Variants in AKAP7 observed in about 807,000 individuals in gnomAD.
The protein encoded by AKAP7 is A kinase (PRKA) anchor protein 7.
In AKAP7, 39 loss-of-function variants were observed where a neutral mutation model predicts 39.5. That is an observed-to-expected ratio of 0.99 (90% CI 0.76 to 1.29). AKAP7 has a LOEUF of 1.29. Among genes scored for constraint, AKAP7 ranks in the 50% most tolerant of loss-of-function variants. AKAP7 has a pLI of 0.00. For missense variants in AKAP7, 414 were observed against 407.7 expected, an observed-to-expected ratio of 1.02 and a Z score of -0.13; for synonymous variants, 140 against 139.1, an observed-to-expected ratio of 1.01 and a Z score of -0.05.
At chr6:131,198,649 A>G (rs1807198851) in intron 5 of AKAP7, among the ~76,000 whole-genome samples, 1 of 152,184 alleles carries the variant, frequency 6.6e-6, no homozygotes, top group African/African-American at 2.4e-5. Context: ...CTAATGGAAC[A>G]GTATTCCTGG....
chr6:131,274,154 ATTTTC>A (rs938115644), intron 7 of AKAP7, among the ~76,000 whole-genome samples: 7 of 150,768 alleles, frequency 4.6e-5, no homozygotes, highest in Non-Finnish European at 7.4e-5. Flanking sequence ...CTGTTTTAAG[ATTTTC>A]TTTTAATACT....
intron 6 of AKAP7, among the ~76,000 whole-genome samples, chr6:131,201,095 G>A (rs1033111518): frequency 2.0e-5 from 3 of 152,134 alleles, no homozygotes; most frequent in Non-Finnish European, 4.4e-5. Context: ...AGTAATATGA[G>A]ACTTGGAATG....
chr6:131,185,253 C>A, intron 5 of AKAP7: 1 of 466,578 alleles, frequency 2.1e-6, no homozygotes, highest in South Asian at 1.9e-5. Flanking sequence ...CCGCTTTTTC[C>A]GCCAGTGCTG....
intron 1 of AKAP7, among the ~76,000 whole-genome samples, chr6:131,144,505 G>A (rs1423581542): frequency 1.3e-5 from 2 of 152,114 alleles, no homozygotes; most frequent in East Asian, 1.9e-4. Flanking sequence ...TTATTAGTTC[G>A]GACAGCATTT....
intron 7 of AKAP7, chr6:131,242,233 A>G (rs547293153): frequency 3.3e-5 from 32 of 968,628 alleles, no homozygotes; most frequent in Middle Eastern, 5.3e-4. Flanking sequence ...AGCGCAATTG[A>G]CCATCACAGT....
At chr6:131,230,751 A>G (rs1429515093) in intron 7 of AKAP7, among the ~76,000 whole-genome samples, 1 of 152,208 alleles carries the variant, frequency 6.6e-6, no homozygotes, top group African/African-American at 2.4e-5. Flanking sequence ...GAAAAGATCC[A>G]TTAAAAATTC....
chr6:131,129,377 G>C, the AKAP7 span, among the ~76,000 whole-genome samples: 6 of 151,550 alleles, frequency 4.0e-5, no homozygotes, highest in Non-Finnish European at 8.8e-5. Context: ...TCTTGTAAAA[G>C]ACAAAAGTAG....
chr6:131,247,277 AT>A (rs1812082650), intron 7 of AKAP7, among the ~76,000 whole-genome samples: 1 of 20,222 alleles, frequency 4.9e-5, no homozygotes, highest in Non-Finnish European at 1.1e-4. Flanking sequence ...ATGTATATAT[AT>A]ATATATATAT....
rs187311579 is a variant in AKAP7, at chr6:131,168,691, C to T, written c.429-422C>T. ...TGCTTTAACTTTTATTAGAGTGCCT[C>T]ACAAATATATGTACTGTAAAAGTAT... On this transcript the variant is annotated intron_variant, in intron 4 of 7. Coordinates refer to ENST00000431975, the MANE Select transcript of AKAP7 (RefSeq NM_016377.4). Among the ~76,000 whole-genome samples the T allele has an allele frequency of 2.0e-4, 31 of 152,206 alleles. No individual in the cohort carries two copies. In the East Asian group the frequency reaches 4.6e-3, roughly 23 times the overall value.
At chr6:131,242,157 ATCT>A (rs1436922369) in intron 7 of AKAP7, 1 of 984,840 alleles carries the variant, frequency 1.0e-6, no homozygotes, top group East Asian at 1.1e-4. Flanking sequence ...GTTCTATTTG[ATCT>A]TCTATTACTA....
At chr6:131,248,873 T>G (rs951227350) in intron 7 of AKAP7, among the ~76,000 whole-genome samples, 18 of 152,316 alleles carry the variant, frequency 1.2e-4, no homozygotes, top group Middle Eastern at 3.4e-3. Flanking sequence ...ATTGGTGAAT[T>G]TGGGGGAATA....
intron 1 of AKAP7, among the ~76,000 whole-genome samples, chr6:131,140,422 G>A (rs1441453996): frequency 1.3e-5 from 2 of 152,204 alleles, no homozygotes; most frequent in East Asian, 1.9e-4. Flanking sequence ...GAAACCAAAA[G>A]TTAAGCGATT....
At chr6:131,163,704 C>G (rs891560154) in intron 3 of AKAP7, among the ~76,000 whole-genome samples, 1 of 152,100 alleles carries the variant, frequency 6.6e-6, no homozygotes, top group South Asian at 2.1e-4. Context: ...ATACAAATAT[C>G]CTAATTGGAA....
chr6:131,200,896 C>T (rs977523993), intron 6 of AKAP7: 2 of 152,080 alleles, frequency 1.3e-5, no homozygotes, highest in African/African-American at 4.8e-5. Context: ...CACAGAATGA[C>T]AATCAGTGGT....
At chr6:131,155,203 G>A (rs962648036) in intron 2 of AKAP7, among the ~76,000 whole-genome samples, 2 of 152,056 alleles carry the variant, frequency 1.3e-5, no homozygotes, top group African/African-American at 4.8e-5. Flanking sequence ...TTGTAGAGAT[G>A]GGGTCTTGCT....
rs1257991926 is a variant in AKAP7, at chr6:131,165,313, G to A, written c.428+96G>A. 25 of 854,826 alleles carry A rather than the reference G, an allele frequency of 2.9e-5. No individual in the cohort carries two copies. In the Admixed American group the frequency reaches 6.7e-4, roughly 23 times the overall value. 53.0% of individuals were successfully genotyped at this position (854,826 alleles called of 1,614,324 possible). The stretch of plus-strand genomic sequence containing the variant: ...CCAAAGAGACATTCTAAATTTTAAA[G>A]AAGTAGTCTCTATACAATTTATTCC... On this transcript the variant is annotated intron_variant, in intron 4 of 7. Transcript: ENST00000431975.
chr6:131,138,750 G>A (rs1800783832), intron 1 of AKAP7, among the ~76,000 whole-genome samples: 1 of 152,198 alleles, frequency 6.6e-6, no homozygotes, highest in African/African-American at 2.4e-5. Flanking sequence ...TGTAAAATGA[G>A]CATCATAATA....
rs60816569 is a variant in AKAP7, at chr6:131,241,627, G to GTA, written c.850+21829_850+21830dup. Among the ~76,000 whole-genome samples the GTA allele has an allele frequency of 2.7e-3, 232 of 86,644 alleles. 18 individuals carry two copies. The highest frequency in any genetic ancestry group is 6.8e-3 in the African/African-American group (136 of 20,040). The allele number at this position is 86,644 out of a possible 152,430, so 56.8% of individuals were successfully genotyped here. A position where few individuals can be genotyped will look rare whatever the true frequency, so the allele number is the denominator to read the frequency against. On this transcript the variant is annotated intron_variant, in intron 7 of 7. Transcript: ENST00000431975. ...TGTGTGTGTGTGTGTGTGTGTGTGT[G>GTA]TATATATATATGACAGTTATAGGAT... is the stretch of plus-strand genomic sequence containing the variant.
intron 2 of AKAP7, among the ~76,000 whole-genome samples, chr6:131,146,575 G>A (rs1392232104): frequency 6.6e-6 from 1 of 152,214 alleles, no homozygotes. Context: ...TACTTGTGGG[G>A]AGGAAAATAA....
Sources: gnomAD v4.1 joint callset for allele counts (sites outside exome capture counted in the v4.1 genomes callset) on GRCh38, gnomAD v4.1.1 for gene constraint, MANE v1.5 for transcripts, NCBI Gene and HGNC (gene_info 2026-07-23, HGNC 2026-07-21) for gene names.